The following LRRIQ1 variants were observed in gnomAD, a reference collection of about 807,000 sequenced individuals.
LRRIQ1 encodes the protein leucine-rich repeat- and IQ domain-containing protein 1.
In LRRIQ1, 210 loss-of-function variants were observed where a neutral mutation model predicts 211.9. That is an observed-to-expected ratio of 0.99 (90% CI 0.89 to 1.11). The LOEUF (loss-of-function observed/expected upper bound fraction) is 1.11, where lower values mean the gene tolerates loss of function less well. LRRIQ1 is among the 50% of genes most tolerant of loss of function. The pLI is 0.00. For synonymous variants in LRRIQ1, 699 were observed against 650.1 expected, an observed-to-expected ratio of 1.08 and a Z score of -1.14; for missense variants, 2,136 against 1,939.5, an observed-to-expected ratio of 1.10 and a Z score of -1.90.
chr12:85,220,276 T>C (rs1894336612), intron 24 of LRRIQ1, among the ~76,000 whole-genome samples: 1 of 151,994 alleles, frequency 6.6e-6, no homozygotes. Context: ...GAAAAGAAAA[T>C]AGTCATGGGA....
intron 11 of LRRIQ1, among the ~76,000 whole-genome samples, chr12:85,076,797 AGTCCAC>A (rs2136133779): frequency 6.7e-6 from 1 of 148,516 alleles, no homozygotes; most frequent in East Asian, 2.0e-4. Flanking sequence ...TTTTTTTTGG[AGTCCAC>A]TAGATGGTGC....
chr12:85,043,484 A>G (rs1405309611), intron 3 of LRRIQ1, among the ~76,000 whole-genome samples: 1 of 152,100 alleles, frequency 6.6e-6, no homozygotes, highest in African/African-American at 2.4e-5. Flanking sequence ...CAAGAGACCA[A>G]GGTGGAACCT....
At chr12:85,234,859 A>G (rs2137216937) in intron 26 of LRRIQ1, among the ~76,000 whole-genome samples, 1 of 152,336 alleles carries the variant, frequency 6.6e-6, no homozygotes, top group East Asian at 1.9e-4. Context: ...AACTCTGGAA[A>G]TAAAACATTT....
At chr12:85,091,269 A>C (rs1351637090) in intron 11 of LRRIQ1, among the ~76,000 whole-genome samples, 5 of 152,148 alleles carry the variant, frequency 3.3e-5, no homozygotes, top group Non-Finnish European at 1.5e-5. Flanking sequence ...TATTTATAGC[A>C]ATGCAAGAAT....
chr12:85,240,280 G>A (rs1259247980), intron 26 of LRRIQ1, among the ~76,000 whole-genome samples: 1 of 152,088 alleles, frequency 6.6e-6, no homozygotes, highest in Non-Finnish European at 1.5e-5. Context: ...CCCCATTAAA[G>A]TGGTTAAAAT....
chr12:85,217,724 A>C (rs1414371658), intron 24 of LRRIQ1, among the ~76,000 whole-genome samples: 16 of 111,584 alleles, frequency 1.4e-4, no homozygotes, highest in African/African-American at 1.3e-3. Flanking sequence ...ATATATGTAT[A>C]TATGTGTATA....
chr12:85,160,694 G>C lies in LRRIQ1; in HGVS notation c.4802G>C (p.Arg1601Thr). Residue 1601 changes from arginine (R) to threonine (T), a missense_variant, in exon 24 of 27, where the codon AGA (arginine) becomes ACA (threonine). Coordinates refer to ENST00000393217, the MANE Select transcript of LRRIQ1 (RefSeq NM_001079910.2). ...LPKSPKMVQP[R>T]RDGYFEGIEE... is the part of the protein sequence containing the mutation. ...AAATCACCAAAGATGGTACAGCCCA[G>C]AAGAGATGGTTACTTTGAAGGTATG... 3 of 1,596,760 alleles carry C rather than the reference G, an allele frequency of 1.9e-6. No homozygotes were observed. The highest frequency in any genetic ancestry group is 2.6e-6 in the Non-Finnish European group (3 of 1,167,886).
chr12:85,270,922 G>T, the LRRIQ1 span, among the ~76,000 whole-genome samples: 2 of 152,104 alleles, frequency 1.3e-5, no homozygotes, highest in Non-Finnish European at 2.9e-5. Flanking sequence ...AGATGAAATA[G>T]ATATGCATAA....
intron 24 of LRRIQ1, among the ~76,000 whole-genome samples, chr12:85,175,975 A>G (rs541111077): frequency 1.1e-4 from 16 of 152,090 alleles, no homozygotes; most frequent in African/African-American, 3.6e-4. Flanking sequence ...CTTAGGATTG[A>G]CTTGGCGGTG....
intron 24 of LRRIQ1, among the ~76,000 whole-genome samples, chr12:85,207,253 C>T (rs6539884): frequency 0.05 from 7,635 of 152,036 alleles, 638 homozygotes; most frequent in African/African-American, 0.17. Context: ...GTCCTCCCTC[C>T]GTCCACTCTC....
chr12:85,173,907 C>G (rs1268841670), intron 24 of LRRIQ1, among the ~76,000 whole-genome samples: 2 of 151,982 alleles, frequency 1.3e-5, no homozygotes, highest in African/African-American at 2.4e-5. Context: ...TCTGAAGATT[C>G]TTATCAGTGC....
Position 85,040,550 on chromosome 12 carries a change from A to G in LRRIQ1, c.193A>G (p.Lys65Glu), listed in dbSNP as rs1329005832. ...HCINIIKNRS[K>E]AVEELILQDL... ...TATTAACATCATAAAGAACAGGAGTAAAGCTGTTGAAGAGCTCATTCTTCA... is the reference window on the plus strand; with the variant it reads ...TATTAACATCATAAAGAACAGGAGTGAAGCTGTTGAAGAGCTCATTCTTCA... The change falls in exon 3 of 27, where the codon AAA (lysine) becomes GAA (glutamate). Residue 65 changes from lysine to glutamate, a missense_variant. Physicochemically the swap from Lys to Glu is moderately conservative, Grantham distance 56. Transcript: ENST00000393217. 3 of 1,599,678 alleles carry G rather than the reference A, an allele frequency of 1.9e-6. No homozygotes were observed. The highest frequency in any genetic ancestry group is 2.6e-6 in the Non-Finnish European group (3 of 1,172,066).
chr12:85,260,155 A>G (rs1393683040), intron 1 of LRRIQ1, among the ~76,000 whole-genome samples: 2 of 135,872 alleles, frequency 1.5e-5, no homozygotes, highest in Non-Finnish European at 3.2e-5. Context: ...AAAAAAGCTT[A>G]TATTAAGAAT....
intron 24 of LRRIQ1, among the ~76,000 whole-genome samples, chr12:85,204,287 A>T (rs1893436700): frequency 6.6e-6 from 1 of 152,194 alleles, no homozygotes; most frequent in South Asian, 2.1e-4. Flanking sequence ...TGCTACAGAG[A>T]CAGGGCTCTC....
chr12:85,229,068 G>T (rs546542716), intron 24 of LRRIQ1, among the ~76,000 whole-genome samples: 19 of 152,182 alleles, frequency 1.2e-4, no homozygotes, highest in African/African-American at 4.6e-4. Context: ...AGCAAGCTCA[G>T]TTTTATGTAA....
At chr12:85,156,625 T>C (rs1565874720) in intron 23 of LRRIQ1, among the ~76,000 whole-genome samples, 1 of 151,898 alleles carries the variant, frequency 6.6e-6, no homozygotes, top group Non-Finnish European at 1.5e-5. Flanking sequence ...AAATTTTTAC[T>C]CACTAATGAG....
chr12:85,231,883 GTT>G (rs1894959540), intron 25 of LRRIQ1, among the ~76,000 whole-genome samples: 1 of 152,138 alleles, frequency 6.6e-6, no homozygotes, highest in African/African-American at 2.4e-5. Context: ...TTCAACATGA[GTT>G]TTGGTGAGAC....
intron 18 of LRRIQ1, among the ~76,000 whole-genome samples, chr12:85,136,013 T>G (rs1889103997): frequency 6.6e-6 from 1 of 152,002 alleles, no homozygotes; most frequent in Non-Finnish European, 1.5e-5. Flanking sequence ...TGGGTACATA[T>G]TGATGTTTTG....
intron 1 of LRRIQ1, among the ~76,000 whole-genome samples, chr12:85,036,745 TTTC>T (rs1181172893): frequency 2.8e-5 from 4 of 141,894 alleles, no homozygotes; most frequent in East Asian, 2.1e-4. Flanking sequence ...TCTCTCTTTC[TTTC>T]TTTTTTTTTT....
Sources: allele counts gnomAD v4.1 joint callset (sites outside exome capture counted in the v4.1 genomes callset), GRCh38; gene constraint gnomAD v4.1.1; transcripts MANE v1.5; gene names NCBI Gene and HGNC (gene_info 2026-07-23, HGNC 2026-07-21).